GMCL1: variants seen among roughly 807,000 people sequenced by gnomAD.
GMCL1 encodes the protein germ cell-less protein-like 1.
Under a neutral mutation model 75.5 loss-of-function variants are expected in GMCL1, and 54 were observed. That is an observed-to-expected ratio of 0.71 (90% CI 0.57 to 0.90). The LOEUF is 0.90. Among genes scored for constraint, GMCL1 ranks in the 40% least tolerant of loss-of-function variants. The probability of loss-of-function intolerance (pLI) is 0.00; values close to 1 mark genes in which losing one functional copy is unlikely to be tolerated. For synonymous variants in GMCL1, 210 were observed against 209.6 expected, an observed-to-expected ratio of 1.00 and a Z score of -0.02; for missense variants, 537 against 622.7, an observed-to-expected ratio of 0.86 and a Z score of 1.47.
At chr2:69,843,109 A>T (rs1402607385) in intron 4 of GMCL1, 40 bp from the exon 5 acceptor site, 2 of 1,059,906 alleles carry the variant, frequency 1.9e-6, no homozygotes, top group Non-Finnish European at 2.8e-6. Flanking sequence ...AATTTTTCCC[A>T]CGTGAAATGG....
At chr2:69,861,160 A>T in intron 9 of GMCL1, 118 bp from the exon 10 acceptor site, 1 of 747,896 alleles carries the variant, frequency 1.3e-6, no homozygotes, top group Non-Finnish European at 2.1e-6. Flanking sequence ...CCTAATTTTT[A>T]AATTGCTATT....
At chr2:69,870,455 T>C (rs1249517391) in intron 12 of GMCL1, among the ~76,000 whole-genome samples, 1 of 152,106 alleles carries the variant, frequency 6.6e-6, no homozygotes, top group Non-Finnish European at 1.5e-5. Context: ...GATTTGGCAG[T>C]GATTTCTTCC....
Sources: allele counts gnomAD v4.1 joint callset (sites outside exome capture counted in the v4.1 genomes callset), GRCh38; gene constraint gnomAD v4.1.1; transcripts MANE v1.5; gene names NCBI Gene and HGNC (gene_info 2026-07-23, HGNC 2026-07-21).